HLF: variants seen among roughly 807,000 people sequenced by gnomAD.
The protein encoded by HLF is hepatic leukemia factor.
Under a neutral mutation model 22.6 loss-of-function variants are expected in HLF, and 3 were observed. The observed-to-expected ratio is 0.13, with a 90% confidence interval of 0.06 to 0.34. The LOEUF (loss-of-function observed/expected upper bound fraction) is 0.34, where lower values mean the gene tolerates loss of function less well. HLF is among the 10% of genes least tolerant of loss of function. The probability of loss-of-function intolerance (pLI) is 1.00; values close to 1 mark genes in which losing one functional copy is unlikely to be tolerated. For missense variants in HLF, 299 were observed against 389.2 expected (o/e 0.77, Z 1.95); for synonymous variants, 151 against 151.8 (o/e 0.99, Z 0.04).
intron 2 of HLF, among the ~76,000 whole-genome samples, chr17:55,313,993 A>G (rs1480039008): frequency 6.6e-6 from 1 of 152,204 alleles, no homozygotes; most frequent in Non-Finnish European, 1.5e-5. Context: ...GTTTTAATGA[A>G]ACCTAAAGAA....
chr17:55,289,033 G>T, intron 2 of HLF: 1 of 660,316 alleles, frequency 1.5e-6, no homozygotes. Flanking sequence ...GATGCAGATG[G>T]ATATAAATTT....
At chr17:55,306,603 G>GT in intron 2 of HLF, among the ~76,000 whole-genome samples, 1 of 143,020 alleles carries the variant, frequency 7.0e-6, no homozygotes, top group East Asian at 2.1e-4. Context: ...TGCATGATTT[G>GT]TTTTTGCCTT....
In HLF at chr17:55,321,560, TTAA is replaced by T. The variant is rs141943252; in HGVS notation, c.*684_*686del. On this transcript the variant is annotated 3_prime_UTR_variant, in exon 4 of 4. Transcript: ENST00000226067. ...CAACCCCAGATAAGTAAGAGTACTA[TTAA>T]TAGAACACAGAGTGTGTTTTTGCAC... The T allele has an allele frequency of 9.4e-4, 215 of 228,744 alleles. No individual in the cohort carries two copies. The highest frequency in any genetic ancestry group is 1.1e-3 in the Non-Finnish European group (123 of 115,042). The allele number at this position is 228,744 out of a possible 1,614,324, so 14.2% of individuals were successfully genotyped here.
intron 2 of HLF, among the ~76,000 whole-genome samples, chr17:55,269,174 A>C (rs2145292671): frequency 6.6e-6 from 1 of 152,300 alleles, no homozygotes; most frequent in Non-Finnish European, 1.5e-5. Context: ...GAAGGAAATG[A>C]TGTAAAGGAG....
intron 2 of HLF, among the ~76,000 whole-genome samples, chr17:55,280,362 C>T (rs2080942579): frequency 6.6e-6 from 1 of 152,192 alleles, no homozygotes; most frequent in African/African-American, 2.4e-5. Context: ...GGTCCTATCA[C>T]CCTAGCATGT....
At position 55,271,851 on chromosome 17, in the gene HLF, AC is replaced by A. The variant is rs1442201587; in HGVS notation, c.451+3766del. 5 of 152,180 alleles carry A rather than the reference AC, an allele frequency of 3.3e-5. 1 individual carries two copies. Among genetic ancestry groups the A allele is most frequent in the African/African-American group, 1.2e-4 (5 of 41,430 alleles). The allele number at this position is 152,180 out of a possible 1,614,324, so 9.4% of individuals were successfully genotyped here. ...CTGGCCCATTTTTGTGAATTCTCAT[AC>A]TATTTACCATGACTGCCCCAACCCC... On this transcript the variant is annotated intron_variant, in intron 2 of 3. Transcript: ENST00000226067.
intron 2 of HLF, among the ~76,000 whole-genome samples, chr17:55,282,732 A>G (rs979359608): frequency 1.3e-5 from 2 of 152,186 alleles, no homozygotes; most frequent in Admixed American, 6.5e-5. Context: ...AAAGACTACT[A>G]TGTGCTGGAA....
At chr17:55,309,976 G>A (rs953651879) in intron 2 of HLF, among the ~76,000 whole-genome samples, 5 of 152,212 alleles carry the variant, frequency 3.3e-5, no homozygotes, top group Admixed American at 1.3e-4. Flanking sequence ...GCTTGCTAAT[G>A]AGCTAATTGA....
At chr17:55,297,443 C>G (rs146388365) in intron 2 of HLF, among the ~76,000 whole-genome samples, 3 of 152,196 alleles carry the variant, frequency 2.0e-5, no homozygotes, top group African/African-American at 7.2e-5. Context: ...GTCTCTTTTC[C>G]CTTGCTTAGG....
In HLF at chr17:55,265,594, A is replaced by T; in HGVS notation, c.110A>T (p.Glu37Val). 6.3e-7 allele frequency: 1 copy of T among 1,588,966 alleles called. No homozygotes were observed. Among genetic ancestry groups the T allele is most frequent in the South Asian group, 1.1e-5 (1 of 89,726 alleles). Residue 37 changes from glutamate to valine, a missense_variant, in exon 1 of 4, where the codon GAA becomes GTA. Glu to Val is a moderately radical substitution (Grantham distance 121). Transcript: ENST00000226067. ...ENPLKLPLHH[E>V]DAFSKDKDKE... Reference sequence around the variant, plus strand: ...CCGCTGAAGCTCCCCCTTCACCACGAAGACGGTGAGCGCTGCCGCGGCCCC... The same window carrying T: ...CCGCTGAAGCTCCCCCTTCACCACGTAGACGGTGAGCGCTGCCGCGGCCCC...
chr17:55,319,059 C>T (rs1466864258), intron 3 of HLF: 1 of 152,240 alleles, frequency 6.6e-6, no homozygotes, highest in Non-Finnish European at 1.5e-5. Flanking sequence ...ATTCTGGTAA[C>T]ATCTATTTTG....
chr17:55,308,295 C>G (rs1217877696), intron 2 of HLF, among the ~76,000 whole-genome samples: 2 of 152,222 alleles, frequency 1.3e-5, no homozygotes, highest in Non-Finnish European at 2.9e-5. Context: ...ATTTGATTTA[C>G]TTTCAAGTAT....
intron 2 of HLF, among the ~76,000 whole-genome samples, chr17:55,300,405 C>A (rs187995584): frequency 6.6e-6 from 1 of 152,280 alleles, no homozygotes; most frequent in African/African-American, 2.4e-5. Context: ...GGGAGATAAT[C>A]AGATTATAAC....
At chr17:55,284,410 C>G (rs1303754224) in intron 2 of HLF, among the ~76,000 whole-genome samples, 1 of 152,180 alleles carries the variant, frequency 6.6e-6, no homozygotes, top group African/African-American at 2.4e-5. Context: ...ACTGCTGTTT[C>G]CTGTTGTTTC....
chr17:55,307,904 C>T (rs569468347), intron 2 of HLF, among the ~76,000 whole-genome samples: 2 of 150,910 alleles, frequency 1.3e-5, no homozygotes, highest in Non-Finnish European at 2.9e-5. Context: ...TCAGAGGGTT[C>T]GAGGAATTGG....
At chr17:55,316,415 G>A (rs1567826509) in intron 3 of HLF, among the ~76,000 whole-genome samples, 2 of 152,164 alleles carry the variant, frequency 1.3e-5, no homozygotes, top group Admixed American at 1.3e-4. Context: ...TTGAGACAAC[G>A]TCTGAACTGG....
intron 2 of HLF, among the ~76,000 whole-genome samples, chr17:55,274,717 G>C (rs1317698005): frequency 6.6e-6 from 1 of 152,188 alleles, no homozygotes; most frequent in African/African-American, 2.4e-5. Flanking sequence ...CGGAACTTTG[G>C]AATAATCATT....
chr17:55,307,050 C>A (rs1904605753), intron 2 of HLF, among the ~76,000 whole-genome samples: 1 of 150,008 alleles, frequency 6.7e-6, no homozygotes, highest in Admixed American at 6.7e-5. Flanking sequence ...GAGCAACATG[C>A]TTTTACCTCC....
At chr17:55,281,860 A>T (rs2080958680) in intron 2 of HLF, among the ~76,000 whole-genome samples, 1 of 152,188 alleles carries the variant, frequency 6.6e-6, no homozygotes, top group African/African-American at 2.4e-5. Context: ...GCCAAAAACC[A>T]TGGAGATCAG....
Sources: allele counts gnomAD v4.1 joint callset (sites outside exome capture counted in the v4.1 genomes callset), GRCh38; gene constraint gnomAD v4.1.1; transcripts MANE v1.5; gene names NCBI Gene and HGNC (gene_info 2026-07-23, HGNC 2026-07-21).